EPHA6: variants seen among roughly 807,000 people sequenced by gnomAD.
The protein encoded by EPHA6 is EPH receptor A6.
Under a neutral mutation model 112.0 loss-of-function variants are expected in EPHA6, and 50 were observed. That is an observed-to-expected ratio of 0.45 (90% CI 0.36 to 0.56). The LOEUF is 0.56. Ranked by LOEUF, EPHA6 falls within the 20% of genes least tolerant of loss-of-function variation. The pLI is 0.00. For missense variants in EPHA6, 1,280 were observed against 1,417.4 expected (o/e 0.90, Z 1.56); for synonymous variants, 529 against 490.7 (o/e 1.08, Z -1.03).
intron 14 of EPHA6, among the ~76,000 whole-genome samples, chr3:97,686,109 C>A (rs2032230263): frequency 6.6e-6 from 1 of 152,046 alleles, no homozygotes; most frequent in South Asian, 2.1e-4. Flanking sequence ...TCAAACATTT[C>A]TAAAGCACAT....
At chr3:97,185,275 G>A (rs144752821) in intron 3 of EPHA6, among the ~76,000 whole-genome samples, 2,307 of 152,176 alleles carry the variant, frequency 0.015, 72 homozygotes, top group African/African-American at 0.053. Context: ...AGAGTGAACA[G>A]GCAACCTACA....
chr3:96,925,408 C>T (rs1462045998), intron 2 of EPHA6, among the ~76,000 whole-genome samples: 2 of 151,984 alleles, frequency 1.3e-5, no homozygotes, highest in Admixed American at 1.3e-4. Flanking sequence ...TCCATTTCTT[C>T]TAGATTTTCT....
intron 3 of EPHA6, among the ~76,000 whole-genome samples, chr3:97,111,172 C>G (rs1175824093): frequency 5.9e-5 from 9 of 152,022 alleles, no homozygotes; most frequent in Admixed American, 5.9e-4. Flanking sequence ...CATGTACAGA[C>G]TTAGAGGTTA....
At position 97,266,782 on chromosome 3, in the gene EPHA6, CTAATA is replaced by C. The variant is rs2079700681; in HGVS notation, c.1606+22501_1606+22505del. On this transcript the variant is annotated intron_variant, in intron 5 of 17. Coordinates refer to ENST00000389672, the MANE Select transcript of EPHA6 (RefSeq NM_001080448.3). ...TCTGGAAAACTAGTAAAGGATGATA[CTAATA>C]TAATACAAAGAAAAGTGAGAATCAG... Among the ~76,000 whole-genome samples the C allele has an allele frequency of 2.5e-5, 3 of 119,076 alleles. No individual in the cohort carries two copies. In the South Asian group the frequency reaches 6.7e-4, roughly 27 times the overall value. 78.1% of individuals were successfully genotyped at this position (119,076 alleles called of 152,430 possible).
chr3:97,441,486 A>T, intron 6 of EPHA6: 1 of 918,194 alleles, frequency 1.1e-6, no homozygotes, highest in Non-Finnish European at 1.3e-6. Context: ...AGTCAGACAT[A>T]ATTATATTTA....
At chr3:97,107,169 G>A (rs1441753441) in intron 3 of EPHA6, among the ~76,000 whole-genome samples, 2 of 152,062 alleles carry the variant, frequency 1.3e-5, no homozygotes, top group Non-Finnish European at 2.9e-5. Flanking sequence ...TTTACAATAA[G>A]TAAATGTAAT....
At chr3:97,460,466 C>A (rs905722461) in intron 7 of EPHA6, among the ~76,000 whole-genome samples, 3 of 152,172 alleles carry the variant, frequency 2.0e-5, no homozygotes, top group African/African-American at 7.2e-5. Flanking sequence ...TCCCTGCTGT[C>A]CTGGAGCTTA....
chr3:97,192,199 T>G (rs2077325136), intron 3 of EPHA6, among the ~76,000 whole-genome samples: 1 of 152,106 alleles, frequency 6.6e-6, no homozygotes, highest in Admixed American at 6.6e-5. Flanking sequence ...TGCAGTGGCA[T>G]GATCTCAGCT....
chr3:97,177,067 A>G (rs571305082), intron 3 of EPHA6, among the ~76,000 whole-genome samples: 2 of 151,444 alleles, frequency 1.3e-5, no homozygotes, highest in East Asian at 3.9e-4. Flanking sequence ...TCCCATAGGT[A>G]TTTTATGTTT....
intron 13 of EPHA6, among the ~76,000 whole-genome samples, chr3:97,630,162 T>C (rs1435757254): frequency 6.6e-6 from 1 of 151,968 alleles, no homozygotes; most frequent in Non-Finnish European, 1.5e-5. Flanking sequence ...TTTAGTTTTC[T>C]TATTATTGAA....
intron 3 of EPHA6, among the ~76,000 whole-genome samples, chr3:97,200,418 C>T (rs774441302): frequency 6.6e-6 from 1 of 152,028 alleles, no homozygotes; most frequent in Non-Finnish European, 1.5e-5. Flanking sequence ...TCCTTTCTAC[C>T]TTATAACTTT....
chr3:97,729,655 AT>A (rs1333269759), intron 15 of EPHA6, among the ~76,000 whole-genome samples: 14 of 151,960 alleles, frequency 9.2e-5, no homozygotes, highest in Non-Finnish European at 1.8e-4. Flanking sequence ...AAAGTATAAA[AT>A]TACAAGTGTT....
chr3:97,271,490 TATG>T (rs1262853055), intron 5 of EPHA6, among the ~76,000 whole-genome samples: 1 of 151,810 alleles, frequency 6.6e-6, no homozygotes, highest in Non-Finnish European at 1.5e-5. Context: ...CCTGAGTAAT[TATG>T]ATTACAGGCA....
chr3:97,047,170 CAT>C (rs1170613424), intron 3 of EPHA6, among the ~76,000 whole-genome samples: 1 of 151,792 alleles, frequency 6.6e-6, no homozygotes, highest in Non-Finnish European at 1.5e-5. Context: ...AAATACTAAA[CAT>C]ATTGATTTAT....
chr3:97,604,255 C>G (rs1449571645), intron 12 of EPHA6, among the ~76,000 whole-genome samples: 2 of 151,658 alleles, frequency 1.3e-5, no homozygotes, highest in Non-Finnish European at 3.0e-5. Flanking sequence ...AAGGGGAAAA[C>G]ATCTCCAATA....
intron 13 of EPHA6, among the ~76,000 whole-genome samples, chr3:97,634,934 C>A (rs1490516115): frequency 1.3e-5 from 2 of 150,036 alleles, no homozygotes; most frequent in Non-Finnish European, 3.0e-5. Context: ...CTTAAGAAAA[C>A]CTAGCTTTTT....
intron 3 of EPHA6, among the ~76,000 whole-genome samples, chr3:97,141,736 C>CG (rs1326950749): frequency 1.3e-5 from 2 of 151,714 alleles, no homozygotes; most frequent in Admixed American, 1.3e-4. Context: ...ATACAGAGAA[C>CG]TGAAATTAAC....
chr3:97,465,805 T>G (rs568623782), intron 7 of EPHA6, among the ~76,000 whole-genome samples: 45 of 152,172 alleles, frequency 3.0e-4, no homozygotes, highest in African/African-American at 9.9e-4. Context: ...AAATTCATGT[T>G]ACCATAAACT....
chr3:97,243,933 T>G lies in EPHA6; in HGVS notation c.1271-19T>G. On this transcript the variant is annotated intron_variant, in intron 4 of 17. Transcript: ENST00000389672. ...TTGTCCTATATATGTACATTTGTTT[T>G]TTAATTGCTTTTCTCTAGGGCCACC... is the stretch of plus-strand genomic sequence containing the variant. 6.4e-7 allele frequency: 1 copy of G among 1,559,784 alleles called. No homozygotes were observed. The highest frequency in any genetic ancestry group is 8.7e-7 in the Non-Finnish European group (1 of 1,149,306).
Sources: gnomAD v4.1 joint callset for allele counts (sites outside exome capture counted in the v4.1 genomes callset) on GRCh38, gnomAD v4.1.1 for gene constraint, MANE v1.5 for transcripts, NCBI Gene and HGNC (gene_info 2026-07-23, HGNC 2026-07-21) for gene names.